Variants in DIPK1A observed in about 807,000 individuals in gnomAD.
DIPK1A encodes family with sequence similarity 69 member A.
A neutral mutation model predicts 40.8 loss-of-function variants in DIPK1A; 27 were observed. The ratio of observed to expected loss-of-function variants is 0.66; its 90% CI spans 0.49 to 0.91. The LOEUF is 0.91. Among genes scored for constraint, DIPK1A ranks in the 40% least tolerant of loss-of-function variants. The probability of loss-of-function intolerance (pLI) is 0.00; values close to 1 mark genes in which losing one functional copy is unlikely to be tolerated. For synonymous variants in DIPK1A, 166 were observed against 171.3 expected (o/e 0.97, Z 0.24); for missense variants, 412 against 505.7 (o/e 0.81, Z 1.78).
chr1:92,867,200 T>G (rs1647586537), intron 2 of DIPK1A, among the ~76,000 whole-genome samples: 1 of 150,366 alleles, frequency 6.7e-6, no homozygotes, highest in Admixed American at 6.8e-5. Flanking sequence ...AACCTAAAGT[T>G]CTTTTACTCC....
chr1:92,909,920 A>G (rs1179006561), intron 1 of DIPK1A, among the ~76,000 whole-genome samples: 2 of 152,214 alleles, frequency 1.3e-5, no homozygotes, highest in Non-Finnish European at 1.5e-5. Context: ...GTGCTTTGGC[A>G]TTCTTCACAT....
At chr1:92,890,016 A>G (rs573298266) in intron 1 of DIPK1A, among the ~76,000 whole-genome samples, 1 of 152,090 alleles carries the variant, frequency 6.6e-6, no homozygotes, top group South Asian at 2.1e-4. Flanking sequence ...TTCCTTGTAG[A>G]GATCTTTCAT....
At chr1:92,957,327 G>A (rs1651894192) in intron 1 of DIPK1A, among the ~76,000 whole-genome samples, 1 of 152,244 alleles carries the variant, frequency 6.6e-6, no homozygotes, top group African/African-American at 2.4e-5. Flanking sequence ...GGTTTAAGCA[G>A]TTAATACATC....
At chr1:92,837,354 T>TA (rs1177660255), downstream of DIPK1A, 1 of 997,464 alleles carries the variant, frequency 1.0e-6, no homozygotes, top group Admixed American at 1.7e-5. Flanking sequence ...TATGATGCGA[T>TA]AATTGTTTCA....
At chr1:92,876,960 C>T in intron 1 of DIPK1A, 1 of 982,556 alleles carries the variant, frequency 1.0e-6, no homozygotes, top group Non-Finnish European at 1.2e-6. Flanking sequence ...ATTGTATTCA[C>T]CAGGGCTTTA....
At chr1:92,850,338 A>G (rs1174906700) in intron 3 of DIPK1A, among the ~76,000 whole-genome samples, 1 of 152,066 alleles carries the variant, frequency 6.6e-6, no homozygotes, top group African/African-American at 2.4e-5. Flanking sequence ...CAGAAAAAAA[A>G]AAACAAAACA....
chr1:92,947,856 T>C (rs150134854), intron 1 of DIPK1A, among the ~76,000 whole-genome samples: 225 of 152,188 alleles, frequency 1.5e-3, no homozygotes, highest in African/African-American at 5.3e-3. Flanking sequence ...GTTGATCTCA[T>C]AGAAATAGAT....
intron 1 of DIPK1A, among the ~76,000 whole-genome samples, chr1:92,913,274 C>T (rs1649907372): frequency 6.6e-6 from 1 of 152,088 alleles, no homozygotes; most frequent in Non-Finnish European, 1.5e-5. Flanking sequence ...TATTCCCAAG[C>T]TACTGATTGC....
chr1:92,843,707 G>T lies in DIPK1A; in HGVS notation c.963C>A (p.Asn321Lys). Residue 321 changes from asparagine to lysine, a missense_variant, in exon 5 of 5, where the codon AAC (asparagine) becomes AAA (lysine). Asn to Lys is a moderately conservative substitution (Grantham distance 94, BLOSUM62 0). Coordinates refer to ENST00000370310, the MANE Select transcript of DIPK1A (RefSeq NM_001006605.5). ...GACGATCCTTAATAAGTTCTTTCAG[G>T]TTTGTCTCTGGCACAATTTTTCTCA... Reference protein sequence around the residue: ...VDMRKIVPETNLKELIKDRHC... With the variant: ...VDMRKIVPETKLKELIKDRHC... 6.4e-7 allele frequency: 1 copy of T among 1,551,644 alleles called. No individual in the cohort carries two copies. Among genetic ancestry groups the T allele is most frequent in the South Asian group, 1.2e-5 (1 of 84,050 alleles).
chr1:92,866,623 G>A (rs1250335570), intron 2 of DIPK1A, among the ~76,000 whole-genome samples: 2 of 152,202 alleles, frequency 1.3e-5, no homozygotes, highest in African/African-American at 2.4e-5. Flanking sequence ...CAATCTAGGT[G>A]TTGCTGTGAG....
chr1:92,895,457 C>T (rs1046301136), intron 1 of DIPK1A, among the ~76,000 whole-genome samples: 4 of 152,024 alleles, frequency 2.6e-5, no homozygotes, highest in African/African-American at 7.3e-5. Flanking sequence ...TTCAACAACC[C>T]TTCATGCTAA....
intron 1 of DIPK1A, among the ~76,000 whole-genome samples, chr1:92,942,968 G>A (rs1353218154): frequency 6.6e-6 from 1 of 152,210 alleles, no homozygotes; most frequent in Admixed American, 6.5e-5. Flanking sequence ...CAGCTAATTT[G>A]TTAATTATGT....
intron 1 of DIPK1A, among the ~76,000 whole-genome samples, chr1:92,935,226 T>A (rs2100880195): frequency 6.6e-6 from 1 of 152,294 alleles, no homozygotes; most frequent in African/African-American, 2.4e-5. Context: ...TAAATAATAC[T>A]AAAAAGAACG....
rs766876619 is a variant in DIPK1A, at chr1:92,850,828, T to A, written c.297+20A>T. 4 of 1,416,576 alleles carry A rather than the reference T, an allele frequency of 2.8e-6. No homozygotes were observed. In the South Asian group the frequency reaches 5.1e-5, roughly 18 times the overall value. 87.8% of individuals were successfully genotyped at this position (1,416,576 alleles called of 1,614,324 possible). On this transcript the variant is annotated intron_variant, in intron 3 of 4. Coordinates refer to ENST00000370310, the MANE Select transcript of DIPK1A (RefSeq NM_001006605.5). ...TAGAGTACACTATAATTCTGGAATG[T>A]TTATTCATAATGGCCATACCTGATT... is the stretch of plus-strand genomic sequence containing the variant.
intron 2 of DIPK1A, among the ~76,000 whole-genome samples, chr1:92,871,393 G>A (rs1233728558): frequency 3.9e-5 from 6 of 152,108 alleles, no homozygotes; most frequent in African/African-American, 9.7e-5. Context: ...TCGAACTACC[G>A]ACCTCAGGTG....
chr1:92,833,281 T>C, intron 4 of DIPK1A: 1 of 895,034 alleles, frequency 1.1e-6, no homozygotes, highest in Non-Finnish European at 1.8e-6. Context: ...GTGACAGTTG[T>C]CTGTTTACTC....
At chr1:92,919,400 T>C (rs1196347627) in intron 1 of DIPK1A, among the ~76,000 whole-genome samples, 2 of 152,214 alleles carry the variant, frequency 1.3e-5, no homozygotes, top group African/African-American at 2.4e-5. Flanking sequence ...AAGTACTTAT[T>C]GTTTCTGGAA....
At chr1:92,938,468 T>TAAAA (rs71094215) in intron 1 of DIPK1A, among the ~76,000 whole-genome samples, 5 of 98,556 alleles carry the variant, frequency 5.1e-5, no homozygotes. Context: ...AGACCTTTAC[T>TAAAA]AAAAAAAAAA....
downstream of DIPK1A, chr1:92,837,681 A>G (rs777656398): frequency 1.2e-5 from 18 of 1,522,220 alleles, 1 homozygote; most frequent in South Asian, 2.0e-4. Flanking sequence ...TTATGGAAAT[A>G]GGTTTATTAC....
Sources: allele counts gnomAD v4.1 joint callset (sites outside exome capture counted in the v4.1 genomes callset), GRCh38; gene constraint gnomAD v4.1.1; transcripts MANE v1.5; gene names NCBI Gene and HGNC (gene_info 2026-07-23, HGNC 2026-07-21).